LRRC4C: variants seen among roughly 807,000 people sequenced by gnomAD.
LRRC4C encodes the protein leucine-rich repeat-containing protein 4C.
LRRC4C carries 5 observed loss-of-function variants against 33.6 expected under a neutral mutation model. That is an observed-to-expected ratio of 0.15 (90% confidence interval 0.08 to 0.31). LRRC4C has a LOEUF of 0.31. Among genes scored for constraint, LRRC4C ranks in the 10% least tolerant of loss-of-function variants. The pLI is 1.00. For synonymous variants in LRRC4C, 329 were observed against 302.0 expected (o/e 1.09, Z -0.93); for missense variants, 560 against 796.7 (o/e 0.70, Z 3.58).
intron 3 of LRRC4C, among the ~76,000 whole-genome samples, chr11:40,324,895 C>T (rs1457283002): frequency 1.3e-5 from 2 of 152,112 alleles, no homozygotes; most frequent in African/African-American, 4.8e-5. Flanking sequence ...GATATTGTGC[C>T]TCAGGTTTGT....
chr11:41,017,990 G>C (rs1235991788), intron 1 of LRRC4C, among the ~76,000 whole-genome samples: 1 of 151,814 alleles, frequency 6.6e-6, no homozygotes, highest in African/African-American at 2.4e-5. Flanking sequence ...TAATAGAAAT[G>C]GTCTTCAAGA....
intron 1 of LRRC4C, among the ~76,000 whole-genome samples, chr11:41,236,013 A>G (rs903469295): frequency 1.3e-5 from 2 of 152,120 alleles, no homozygotes; most frequent in Admixed American, 1.3e-4. Flanking sequence ...AGAAGTGGCT[A>G]TGGAATTAAG....
rs183476835 is a variant in LRRC4C at position 40,153,625 on chromosome 11, A to G, written c.-95-12772T>C. ...ATAAAAAATTCAGGAATCTTTGGAC[A>G]CACTTTTAGAAATGAAAAATGCTCT... On this transcript the variant is annotated intron_variant, in intron 5 of 6. Transcript: ENST00000528697. Among the ~76,000 whole-genome samples, 105 of 152,230 alleles carry G rather than the reference A, an allele frequency of 6.9e-4. 1 individual carries two copies. Among genetic ancestry groups the G allele is most frequent in the African/African-American group, 2.1e-3 (87 of 41,568 alleles).
chr11:40,963,746 G>C (rs1260966519), intron 1 of LRRC4C, among the ~76,000 whole-genome samples: 1 of 151,712 alleles, frequency 6.6e-6, no homozygotes, highest in Non-Finnish European at 1.5e-5. Context: ...ATCATCTTTT[G>C]TTTATTCAGT....
chr11:40,163,044 C>T (rs1859291778), intron 5 of LRRC4C, among the ~76,000 whole-genome samples: 1 of 152,130 alleles, frequency 6.6e-6, no homozygotes, highest in African/African-American at 2.4e-5. Context: ...GGGCAGCAAC[C>T]ATATTGCACC....
intron 2 of LRRC4C, among the ~76,000 whole-genome samples, chr11:40,656,803 C>T (rs978092836): frequency 6.6e-6 from 1 of 152,140 alleles, no homozygotes; most frequent in Non-Finnish European, 1.5e-5. Flanking sequence ...TTAAAATATC[C>T]ATATACCACA....
At chr11:40,949,366 A>G (rs956326427) in intron 1 of LRRC4C, among the ~76,000 whole-genome samples, 4 of 152,174 alleles carry the variant, frequency 2.6e-5, no homozygotes, top group African/African-American at 7.2e-5. Flanking sequence ...GAAGCTCTTT[A>G]GTTTAATTAG....
rs35200000 is a variant in LRRC4C, at chr11:40,382,684, A to ATTTTTTTT, written c.-269-62971_-269-62964dup. 3.8e-4 allele frequency among the ~76,000 whole-genome samples: 25 copies of ATTTTTTTT among 65,570 alleles called. 1 individual carries two copies. In the East Asian group the frequency reaches 0.011, roughly 28 times the overall value. The allele number at this position is 65,570 out of a possible 152,430, so 43.0% of individuals were successfully genotyped here. A position where few individuals can be genotyped will look rare whatever the true frequency, so the allele number is the denominator to read the frequency against. On this transcript the variant is annotated intron_variant, in intron 3 of 6. Transcript: ENST00000528697. Reference sequence around the variant, plus strand: ...TTTTGCACAACTAAAACTTGTACTCATTTTTTTTTTTTTTTTTTTTTTTTT... The same window carrying ATTTTTTTT: ...TTTTGCACAACTAAAACTTGTACTCATTTTTTTTTTTTTTTTTTTTTTTTTTTTTTTTT...
At chr11:40,629,823 A>G (rs1030537121) in intron 3 of LRRC4C, among the ~76,000 whole-genome samples, 1 of 152,182 alleles carries the variant, frequency 6.6e-6, no homozygotes, top group Non-Finnish European at 1.5e-5. Flanking sequence ...TTATACAAAA[A>G]TATATATCTT....
chr11:40,761,263 C>A (rs1411470085), intron 2 of LRRC4C, among the ~76,000 whole-genome samples: 2 of 152,034 alleles, frequency 1.3e-5, no homozygotes, highest in Non-Finnish European at 2.9e-5. Context: ...AAGGTTGTAT[C>A]ATCATCTTAA....
At chr11:40,436,012 T>G (rs932791872) in intron 3 of LRRC4C, among the ~76,000 whole-genome samples, 4 of 152,174 alleles carry the variant, frequency 2.6e-5, no homozygotes, top group Non-Finnish European at 5.9e-5. Flanking sequence ...CTGAAACATT[T>G]TTTCCTCTAC....
intron 3 of LRRC4C, among the ~76,000 whole-genome samples, chr11:40,430,641 T>C (rs568494904): frequency 1.3e-5 from 2 of 152,130 alleles, no homozygotes; most frequent in South Asian, 2.1e-4. Context: ...AGAAATTTCT[T>C]TATACCTTTC....
intron 2 of LRRC4C, among the ~76,000 whole-genome samples, chr11:40,736,735 G>A (rs184776568): frequency 4.6e-5 from 7 of 152,040 alleles, no homozygotes; most frequent in Admixed American, 6.6e-5. Context: ...ATCTCATTGT[G>A]TTTTGATTTG....
chr11:40,296,191 T>C (rs1369352124), intron 4 of LRRC4C, among the ~76,000 whole-genome samples: 1 of 152,194 alleles, frequency 6.6e-6, no homozygotes, highest in Non-Finnish European at 1.5e-5. Flanking sequence ...CAGCTTCTCT[T>C]TCCTGTTAAC....
chr11:40,855,220 A>G (rs559279659), intron 2 of LRRC4C, among the ~76,000 whole-genome samples: 1 of 152,342 alleles, frequency 6.6e-6, no homozygotes, highest in African/African-American at 2.4e-5. Context: ...TTTATAAAGC[A>G]TCTAAAGTGT....
intron 1 of LRRC4C, among the ~76,000 whole-genome samples, chr11:41,314,827 G>A (rs187839272): frequency 4.1e-4 from 63 of 151,866 alleles, no homozygotes; most frequent in Admixed American, 1.3e-4. Flanking sequence ...GTAAAGAGAC[G>A]ACCCCAGCTA....
intron 2 of LRRC4C, among the ~76,000 whole-genome samples, chr11:40,688,861 G>T (rs542118131): frequency 6.6e-6 from 1 of 152,150 alleles, no homozygotes; most frequent in South Asian, 2.1e-4. Flanking sequence ...TTGCAAACCA[G>T]CTGGTGGAAG....
intron 5 of LRRC4C, among the ~76,000 whole-genome samples, chr11:40,173,406 A>G (rs1219533665): frequency 1.3e-5 from 2 of 152,224 alleles, no homozygotes. Flanking sequence ...GGAGAATGCT[A>G]GACAGAGAAA....
chr11:40,204,490 A>G (rs1862999947), intron 5 of LRRC4C, among the ~76,000 whole-genome samples: 1 of 151,996 alleles, frequency 6.6e-6, no homozygotes, highest in African/African-American at 2.4e-5. Context: ...CAGTTTTGCA[A>G]CCTCTCTCAA....
Sources: gnomAD v4.1 joint callset for allele counts (sites outside exome capture counted in the v4.1 genomes callset) on GRCh38, gnomAD v4.1.1 for gene constraint, MANE v1.5 for transcripts, NCBI Gene and HGNC (gene_info 2026-07-23, HGNC 2026-07-21) for gene names.